The following GOLGA7B variants were observed in gnomAD, a reference collection of about 807,000 sequenced individuals.
GOLGA7B encodes the protein golgin subfamily A member 7B.
Under a neutral mutation model 21.5 loss-of-function variants are expected in GOLGA7B, and 17 were observed. That is an observed-to-expected ratio of 0.79 (90% CI 0.54 to 1.19). The LOEUF is 1.19. Ranked by LOEUF, GOLGA7B falls within the 50% of genes most tolerant of loss-of-function variation. The pLI is 0.00. For synonymous variants in GOLGA7B, 87 were observed against 84.0 expected, an observed-to-expected ratio of 1.04 and a Z score of -0.19; for missense variants, 169 against 224.4, an observed-to-expected ratio of 0.75 and a Z score of 1.58.
Position 97,870,706 on chromosome 10 carries a change from CA to C in GOLGA7B, c.*5009del, listed in dbSNP as rs1345307743. Reference sequence around the variant, plus strand: ...ATATCTGGAAATGTAACACATATGCCAAACAGACAACTGCAACTCTATGTTA... The same window carrying C: ...ATATCTGGAAATGTAACACATATGCCAACAGACAACTGCAACTCTATGTTA... On this transcript the variant is annotated 3_prime_UTR_variant, in exon 5 of 5. Coordinates refer to ENST00000370602, the MANE Select transcript of GOLGA7B (RefSeq NM_001010917.3). 4 of 151,674 alleles carry C rather than the reference CA, an allele frequency of 2.6e-5. No individual in the cohort carries two copies. The highest frequency in any genetic ancestry group is 9.7e-5 in the African/African-American group (4 of 41,104). The allele number at this position is 151,674 out of a possible 1,614,324, so 9.4% of individuals were successfully genotyped here. A position where few individuals can be genotyped will look rare whatever the true frequency, so the allele number is the denominator to read the frequency against.
intron 1 of GOLGA7B, among the ~76,000 whole-genome samples, chr10:97,855,166 A>C (rs1174487282): frequency 4.6e-5 from 7 of 152,212 alleles, no homozygotes; most frequent in Non-Finnish European, 1.5e-5. Flanking sequence ...CAGCACACAA[A>C]TATGTGTGTA....
rs1438490428 is a variant in GOLGA7B, at chr10:97,869,051, G to A, written c.*3351G>A. ...ATTGCAGATCTTGGCTTTGAATCTA[G>A]GCAATCTGACTCCAAACTGCAAGGA... is the stretch of plus-strand genomic sequence containing the variant. On this transcript the variant is annotated 3_prime_UTR_variant, in exon 5 of 5. Coordinates refer to ENST00000370602, the MANE Select transcript of GOLGA7B (RefSeq NM_001010917.3). The A allele has an allele frequency of 6.6e-6, 1 of 152,236 alleles. No homozygotes were observed. Among genetic ancestry groups the A allele is most frequent in the Admixed American group, 6.5e-5 (1 of 15,292 alleles). The allele number at this position is 152,236 out of a possible 1,614,324, so 9.4% of individuals were successfully genotyped here.
Position 97,870,140 on chromosome 10 carries a change from C to G in GOLGA7B, c.*4440C>G, listed in dbSNP as rs2050075953. On this transcript the variant is annotated 3_prime_UTR_variant, in exon 5 of 5. Transcript: ENST00000370602. ...GCATGAAAAATCACCAATGCCTGAT[C>G]CTATCCTCAGAGATTCTGATTTAAT... 1 of 150,966 alleles carries G rather than the reference C, an allele frequency of 6.6e-6. No individual in the cohort carries two copies. The highest frequency in any genetic ancestry group is 1.5e-5 in the Non-Finnish European group (1 of 68,006). The allele number at this position is 150,966 out of a possible 1,614,324, so 9.4% of individuals were successfully genotyped here.
Position 97,866,682 on chromosome 10 carries a change from GTGTC to G in GOLGA7B, c.*985_*988del, listed in dbSNP as rs2050029214. 6.6e-6 allele frequency: 1 copy of G among 152,260 alleles called. No individual in the cohort carries two copies. The highest frequency in any genetic ancestry group is 1.5e-5 in the Non-Finnish European group (1 of 68,048). 9.4% of individuals were successfully genotyped at this position (152,260 alleles called of 1,614,324 possible). On this transcript the variant is annotated 3_prime_UTR_variant, in exon 5 of 5. Transcript: ENST00000370602. ...GACACATTTATAAGCACACCTGTGT[GTGTC>G]TGAGTACATGTGCACACACGTGTGC...
In GOLGA7B at chr10:97,864,155, C is replaced by T. The variant is rs145310367; in HGVS notation, c.292-13C>T. On this transcript the variant is annotated splice_polypyrimidine_tract_variant and intron_variant, in intron 3 of 4. Transcript: ENST00000370602. ...GTGGCATGCTCATCCTTGTCTGGCT[C>T]CTCTTTTTGCAGGTTCTCAAGAAGA... The T allele has an allele frequency of 5.5e-3, 8,892 of 1,613,996 alleles. 45 individuals carry two copies. The highest frequency in any genetic ancestry group is 0.012 in the South Asian group (1,056 of 91,080).
At chr10:97,862,370 A>G (rs1021709121) in intron 2 of GOLGA7B, among the ~76,000 whole-genome samples, 1 of 152,190 alleles carries the variant, frequency 6.6e-6, no homozygotes, top group African/African-American at 2.4e-5. Context: ...TGACTTTCTA[A>G]AAACTTAACT....
rs1488240743 is a variant in GOLGA7B at position 97,869,205 on chromosome 10, T to A, written c.*3505T>A. The A allele has an allele frequency of 6.6e-6, 1 of 152,284 alleles. No individual in the cohort carries two copies. Among genetic ancestry groups the A allele is most frequent in the African/African-American group, 2.4e-5 (1 of 41,460 alleles). The allele number at this position is 152,284 out of a possible 1,614,324, so 9.4% of individuals were successfully genotyped here. ...TGGGTTTTGAGGCCGGGCTGGCACC[T>A]CCACTTCCAGGGCATCACGGGAGGG... On this transcript the variant is annotated 3_prime_UTR_variant, in exon 5 of 5. Transcript: ENST00000370602.
intron 2 of GOLGA7B, among the ~76,000 whole-genome samples, chr10:97,862,329 C>T (rs1273050304): frequency 6.6e-6 from 1 of 152,154 alleles, no homozygotes; most frequent in Non-Finnish European, 1.5e-5. Flanking sequence ...GTGCCTGTCC[C>T]CTGCACAGTC....
At chr10:97,864,701 G>T (rs1372633825) in intron 4 of GOLGA7B, among the ~76,000 whole-genome samples, 1 of 152,086 alleles carries the variant, frequency 6.6e-6, no homozygotes. Flanking sequence ...TCATTTACAG[G>T]TCCACAGTCT....
intron 2 of GOLGA7B, among the ~76,000 whole-genome samples, chr10:97,862,120 TTA>T (rs1212746771): frequency 6.6e-6 from 1 of 152,210 alleles, no homozygotes; most frequent in African/African-American, 2.4e-5. Context: ...CTGTCTGGTG[TTA>T]CACAGTGAAG....
At position 97,859,442 on chromosome 10, in the gene GOLGA7B, C is replaced by T; in HGVS notation, c.13-16C>T. On this transcript the variant is annotated splice_polypyrimidine_tract_variant and intron_variant, in intron 1 of 4. Coordinates refer to ENST00000370602, the MANE Select transcript of GOLGA7B (RefSeq NM_001010917.3). ...GATGGTCACTCTCAGCACATGCCGC[C>T]CGCACGTCTCCTCAGGTCCACAATC... is the stretch of plus-strand genomic sequence containing the variant. The T allele has an allele frequency of 6.2e-7, 1 of 1,613,670 alleles. No homozygotes were observed. The highest frequency in any genetic ancestry group is 8.5e-7 in the Non-Finnish European group (1 of 1,179,760).
At position 97,857,362 on chromosome 10, in the gene GOLGA7B, GACACACACACACAC is replaced by G. The variant is rs60908270; in HGVS notation, c.13-2066_13-2053del. On this transcript the variant is annotated intron_variant, in intron 1 of 4. Transcript: ENST00000370602. ...TTCCCCATCCCATTTACAATAGCCAGACACACACACACACACACACACACACACACACACACACA... is the reference window on the plus strand; with the variant it reads ...TTCCCCATCCCATTTACAATAGCCAGACACACACACACACACACACACACA... Among the ~76,000 whole-genome samples the G allele has an allele frequency of 1.7e-3, 224 of 135,540 alleles. 2 individuals carry two copies. The highest frequency in any genetic ancestry group is 7.0e-3 in the Middle Eastern group (2 of 284). 88.9% of individuals were successfully genotyped at this position (135,540 alleles called of 152,430 possible).
intron 2 of GOLGA7B, among the ~76,000 whole-genome samples, chr10:97,861,011 C>G (rs1379942544): frequency 6.6e-6 from 1 of 152,186 alleles, no homozygotes; most frequent in East Asian, 1.9e-4. Flanking sequence ...CCATTAAGTC[C>G]TTGTTACTAA....
At chr10:97,851,048 A>G (rs1483230257) in intron 1 of GOLGA7B, among the ~76,000 whole-genome samples, 12 of 151,986 alleles carry the variant, frequency 7.9e-5, no homozygotes. Context: ...CTCTACCCCT[A>G]GGGATTGCCC....
rs1323071255 is a variant in GOLGA7B, at chr10:97,864,333, G to A, written c.393+64G>A. 3 of 1,429,358 alleles carry A rather than the reference G, an allele frequency of 2.1e-6. No homozygotes were observed. The East Asian group carries it at 6.9e-5, about 33-fold the overall frequency. The allele number at this position is 1,429,358 out of a possible 1,614,324, so 88.5% of individuals were successfully genotyped here. Reference sequence around the variant, plus strand: ...TGCTAACCAGTAGAGATCCTGGTGAGGCTGCCAGGAAACGAGGCCACCTTA... The same window carrying A: ...TGCTAACCAGTAGAGATCCTGGTGAAGCTGCCAGGAAACGAGGCCACCTTA... On this transcript the variant is annotated intron_variant, in intron 4 of 4. Transcript: ENST00000370602.
In GOLGA7B at chr10:97,863,989, TGAG is replaced by T; in HGVS notation, c.199_201del (p.Glu67del). On this transcript the variant is annotated inframe_deletion, in exon 3 of 5. Transcript: ENST00000370602. ...CCCTCAACGGATTTTACGCAGAGGC[TGAG>T]AAGATTGGGGGCAGCTCCTACCTCG... 10 of 1,614,212 alleles carry T rather than the reference TGAG, an allele frequency of 6.2e-6. No homozygotes were observed. Among genetic ancestry groups the T allele is most frequent in the Non-Finnish European group, 8.5e-6 (10 of 1,180,030 alleles).
In GOLGA7B at chr10:97,870,691, A is replaced by G. The variant is rs546987268; in HGVS notation, c.*4991A>G. The G allele has an allele frequency of 5.3e-5, 8 of 152,312 alleles. No individual in the cohort carries two copies. The highest frequency in any genetic ancestry group is 1.4e-4 in the African/African-American group (6 of 41,562). 9.4% of individuals were successfully genotyped at this position (152,312 alleles called of 1,614,324 possible). On this transcript the variant is annotated 3_prime_UTR_variant, in exon 5 of 5. Transcript: ENST00000370602. ...TTAACGTTTTGTTAAATATCTGGAA[A>G]TGTAACACATATGCCAAACAGACAA...
chr10:97,863,025 GTAAGGACTT>G (rs2049980958), intron 2 of GOLGA7B, among the ~76,000 whole-genome samples: 1 of 152,190 alleles, frequency 6.6e-6, no homozygotes, highest in Non-Finnish European at 1.5e-5. Context: ...AGCGGGCATT[GTAAGGACTT>G]CTTGGATTTA....
At position 97,867,701 on chromosome 10, in the gene GOLGA7B, C is replaced by CT. The variant is rs796952761; in HGVS notation, c.*2015dup. 1,421 of 144,346 alleles carry CT rather than the reference C, an allele frequency of 9.8e-3. 28 individuals are homozygous for CT. Among genetic ancestry groups the CT allele is most frequent in the African/African-American group, 0.03 (1,187 of 39,584 alleles). The allele number at this position is 144,346 out of a possible 1,614,324, so 8.9% of individuals were successfully genotyped here. On this transcript the variant is annotated 3_prime_UTR_variant, in exon 5 of 5. Transcript: ENST00000370602. ...GGCTGGGCACAGGCAGTGCTATGGC[C>CT]TTTTTTTTTTTTTTCTTTTTCCAAT...
Sources: allele counts gnomAD v4.1 joint callset (sites outside exome capture counted in the v4.1 genomes callset), GRCh38; gene constraint gnomAD v4.1.1; transcripts MANE v1.5; gene names NCBI Gene and HGNC (gene_info 2026-07-23, HGNC 2026-07-21).